The following ITSN1 variants were observed in gnomAD, a reference collection of about 807,000 sequenced individuals.
ITSN1 encodes intersectin 1, also known as intersectin-1.
Under a neutral mutation model 239.8 loss-of-function variants are expected in ITSN1, and 58 were observed. The ratio of observed to expected loss-of-function variants is 0.24; its 90% CI spans 0.20 to 0.30. The LOEUF is 0.30. ITSN1 is among the 10% of genes least tolerant of loss of function. The pLI, the probability that ITSN1 is intolerant of heterozygous loss-of-function variation, is 1.00. For missense variants in ITSN1, 1,558 were observed against 2,103.3 expected, an observed-to-expected ratio of 0.74 and a Z score of 5.07; for synonymous variants, 780 against 770.8, an observed-to-expected ratio of 1.01 and a Z score of -0.20.
chr21:33,707,707 A>G (rs1194953421), intron 1 of ITSN1, among the ~76,000 whole-genome samples: 1 of 152,168 alleles, frequency 6.6e-6, no homozygotes, highest in Non-Finnish European at 1.5e-5. Context: ...AGATTCACGC[A>G]TGTTGTTGCC....
At chr21:33,760,000 G>A (rs2068185710) in intron 8 of ITSN1, among the ~76,000 whole-genome samples, 1 of 152,086 alleles carries the variant, frequency 6.6e-6, no homozygotes, top group South Asian at 2.1e-4. Flanking sequence ...CTATTCAGGA[G>A]GCTGAGGCAG....
At chr21:33,881,148 C>T (rs962051427) in intron 34 of ITSN1, among the ~76,000 whole-genome samples, 3 of 152,126 alleles carry the variant, frequency 2.0e-5, no homozygotes, top group African/African-American at 2.4e-5. Flanking sequence ...TGGCTCACGC[C>T]GGTAATCCCA....
intron 29 of ITSN1, among the ~76,000 whole-genome samples, chr21:33,839,840 T>G (rs2074762657): frequency 6.6e-6 from 1 of 152,196 alleles, no homozygotes; most frequent in Non-Finnish European, 1.5e-5. Flanking sequence ...GACCCCATGA[T>G]TCTCAGCCAG....
chr21:33,712,219 C>A (rs973903000), intron 1 of ITSN1, among the ~76,000 whole-genome samples: 5 of 151,686 alleles, frequency 3.3e-5, no homozygotes, highest in African/African-American at 1.2e-4. Flanking sequence ...GTCAGATTTT[C>A]CTACTTCTTT....
At chr21:33,875,542 G>A (rs1255870146) in intron 34 of ITSN1, 21 bp downstream of exon 34, 1 of 1,607,926 alleles carries the variant, frequency 6.2e-7, no homozygotes, top group South Asian at 1.1e-5. Flanking sequence ...TTGGGGCTGG[G>A]CCCTGGTCTC....
At chr21:33,886,489 C>T in intron 39 of ITSN1, 29 bp downstream of exon 39, 1 of 1,503,408 alleles carries the variant, frequency 6.7e-7, no homozygotes, top group Non-Finnish European at 8.9e-7. Flanking sequence ...TGTGGTTATT[C>T]CTCCTTCCCT....
At chr21:33,701,287 G>T (rs1464924440) in intron 1 of ITSN1, among the ~76,000 whole-genome samples, 1 of 152,022 alleles carries the variant, frequency 6.6e-6, no homozygotes, top group Non-Finnish European at 1.5e-5. Flanking sequence ...TTTTTGTAGA[G>T]ACGGGGTTTT....
Position 33,878,008 on chromosome 21 carries a change from T to TGTGTG in ITSN1, c.4341+2487_4341+2488insGTGTG, listed in dbSNP as rs1984262078. On this transcript the variant is annotated intron_variant, in intron 34 of 39. Transcript: ENST00000381318. ...TCTCTCTTTCTCTTTCTCTCTCTCT[T>TGTGTG]TGTGTGTGTGTGTGTGTGTGTGTGT... Among the ~76,000 whole-genome samples the TGTGTG allele has an allele frequency of 3.6e-5, 5 of 140,324 alleles. 1 individual carries two copies. Among genetic ancestry groups the TGTGTG allele is most frequent in the East Asian group, 4.3e-4 (2 of 4,662 alleles). 92.1% of individuals were successfully genotyped at this position (140,324 alleles called of 152,430 possible).
At chr21:33,677,696 C>A (rs138912961) in intron 1 of ITSN1, among the ~76,000 whole-genome samples, 1 of 152,140 alleles carries the variant, frequency 6.6e-6, no homozygotes, top group African/African-American at 2.4e-5. Flanking sequence ...AGTCCTTTCT[C>A]GTCTTAGTAA....
chr21:33,841,215 T>C (rs1027633607), intron 29 of ITSN1, among the ~76,000 whole-genome samples: 12 of 152,244 alleles, frequency 7.9e-5, no homozygotes, highest in African/African-American at 2.9e-4. Flanking sequence ...ATAGTAACGA[T>C]TGGGTTATCT....
At chr21:33,748,174 A>G (rs1440934089) in intron 5 of ITSN1, among the ~76,000 whole-genome samples, 1 of 152,192 alleles carries the variant, frequency 6.6e-6, no homozygotes, top group Admixed American at 6.5e-5. Context: ...ACCACATAGA[A>G]AATTACTTTT....
At chr21:33,722,543 TG>T (rs764465112) in intron 3 of ITSN1, 44 bp from the exon 4 acceptor site, 563 of 1,526,624 alleles carry the variant, frequency 3.7e-4, no homozygotes, top group African/African-American at 1.8e-3. Flanking sequence ...TGTCAGCTGT[TG>T]TTTTTTTTTT....
Position 33,897,506 on chromosome 21 carries a change from T to C in ITSN1, c.*9206T>C, listed in dbSNP as rs749042081. 4 of 152,230 alleles carry C rather than the reference T, an allele frequency of 2.6e-5. No individual in the cohort carries two copies. The highest frequency in any genetic ancestry group is 4.4e-5 in the Non-Finnish European group (3 of 68,042). 9.4% of individuals were successfully genotyped at this position (152,230 alleles called of 1,614,324 possible). On this transcript the variant is annotated 3_prime_UTR_variant, in exon 40 of 40. Coordinates refer to ENST00000381318, the MANE Select transcript of ITSN1 (RefSeq NM_003024.3). Reference sequence around the variant, plus strand: ...TTCTACATTCTGTGCTGTTTCCAGCTAAGAAAAAGGCGAACTCCCACTATA... The same window carrying C: ...TTCTACATTCTGTGCTGTTTCCAGCCAAGAAAAAGGCGAACTCCCACTATA...
intron 29 of ITSN1, 87 bp from the exon 30 acceptor site, chr21:33,856,649 A>C (rs9305535): frequency 1.3e-6 from 2 of 1,588,766 alleles, no homozygotes; most frequent in Non-Finnish European, 1.7e-6. Flanking sequence ...AGCCCTCAGG[A>C]CCCAGCAGCC....
intron 29 of ITSN1, chr21:33,837,772 G>T (rs192414774): frequency 4.6e-5 from 45 of 985,856 alleles, no homozygotes; most frequent in Non-Finnish European, 5.3e-5. Context: ...ACATGAGAAA[G>T]CACTCTGTGT....
In ITSN1 at chr21:33,756,089, C is replaced by G. The variant is rs192453013; in HGVS notation, c.724+692C>G. 3.3e-5 allele frequency among the ~76,000 whole-genome samples: 5 copies of G among 152,092 alleles called. No individual in the cohort carries two copies. The East Asian group carries it at 9.7e-4, about 29-fold the overall frequency. On this transcript the variant is annotated intron_variant, in intron 8 of 39. Coordinates refer to ENST00000381318, the MANE Select transcript of ITSN1 (RefSeq NM_003024.3). Reference sequence around the variant, plus strand: ...CTTTGGGAGGCTGAGGCGGGTGGATCACCTGAGGTCAGGAGTTCAAGACCA... The same window carrying G: ...CTTTGGGAGGCTGAGGCGGGTGGATGACCTGAGGTCAGGAGTTCAAGACCA...
At chr21:33,677,937 T>TTGTC (rs1426684278) in intron 1 of ITSN1, among the ~76,000 whole-genome samples, 1 of 152,238 alleles carries the variant, frequency 6.6e-6, no homozygotes, top group Admixed American at 6.5e-5. Context: ...TGGTTCCACT[T>TTGTC]TGTCTCTCCC....
intron 12 of ITSN1, among the ~76,000 whole-genome samples, chr21:33,773,949 G>A (rs1318375020): frequency 6.6e-6 from 1 of 152,162 alleles, no homozygotes; most frequent in African/African-American, 2.4e-5. Flanking sequence ...CAAAGTGCTA[G>A]GATTACAAGC....
rs527338389 is a variant in ITSN1 at position 33,894,298 on chromosome 21, C to T, written c.*5998C>T. ...TCCATTCAAAGGAACCCTCTTTACC[C>T]TGGCCCTGGGGGAGCCATATTACAC... is the stretch of plus-strand genomic sequence containing the variant. On this transcript the variant is annotated 3_prime_UTR_variant, in exon 40 of 40. Transcript: ENST00000381318. The T allele has an allele frequency of 6.6e-6, 1 of 152,332 alleles. No individual in the cohort carries two copies. Among genetic ancestry groups the T allele is most frequent in the East Asian group, 1.9e-4 (1 of 5,192 alleles). The allele number at this position is 152,332 out of a possible 1,614,324, so 9.4% of individuals were successfully genotyped here.
Sources: gnomAD v4.1 joint callset for allele counts (sites outside exome capture counted in the v4.1 genomes callset) on GRCh38, gnomAD v4.1.1 for gene constraint, MANE v1.5 for transcripts, NCBI Gene and HGNC (gene_info 2026-07-23, HGNC 2026-07-21) for gene names.